Variants in CNBD1 observed in about 807,000 individuals in gnomAD.
CNBD1 encodes cyclic nucleotide-binding domain-containing protein 1.
CNBD1 carries 71 observed loss-of-function variants against 54.4 expected under a neutral mutation model. That is an observed-to-expected ratio of 1.30 (90% confidence interval 1.08 to 1.59). The LOEUF (loss-of-function observed/expected upper bound fraction) is 1.59. Among genes scored for constraint, CNBD1 ranks in the 40% most tolerant of loss-of-function variants. The pLI, the probability that CNBD1 is intolerant of heterozygous loss-of-function variation, is 0.00. For missense variants in CNBD1, 659 were observed against 518.0 expected, an observed-to-expected ratio of 1.27 and a Z score of -2.64; for synonymous variants, 182 against 170.7, an observed-to-expected ratio of 1.07 and a Z score of -0.51.
chr8:87,196,936 C>T (rs1268913878), intron 4 of CNBD1, among the ~76,000 whole-genome samples: 1 of 151,322 alleles, frequency 6.6e-6, no homozygotes, highest in East Asian at 1.9e-4. Flanking sequence ...TTTTTATACA[C>T]CACTGTATGT....
intron 8 of CNBD1, among the ~76,000 whole-genome samples, chr8:87,289,189 G>A (rs1808745397): frequency 6.6e-6 from 1 of 152,108 alleles, no homozygotes; most frequent in Admixed American, 6.6e-5. Flanking sequence ...TAGGGTTTCA[G>A]AGGGATTTAG....
At chr8:87,142,484 A>G (rs1812390129) in intron 4 of CNBD1, among the ~76,000 whole-genome samples, 2 of 152,132 alleles carry the variant, frequency 1.3e-5, no homozygotes, top group Non-Finnish European at 1.5e-5. Flanking sequence ...TAACATTACA[A>G]TATATAACTA....
At position 87,390,991 on chromosome 8, in the gene CNBD1, A is replaced by G. The variant is rs186907243; in HGVS notation, c.213+37205A>G. Among the ~76,000 whole-genome samples the G allele has an allele frequency of 6.6e-4, 101 of 152,198 alleles. 2 individuals are homozygous for G. The highest frequency in any genetic ancestry group is 3.4e-3 in the Middle Eastern group (1 of 294). The stretch of plus-strand genomic sequence containing the variant: ...TCATTCTCAGCAAACTATCACAAGG[A>G]CAAAAAACCAAACACCGCATGTTCT... On this transcript the variant is annotated intron_variant, in intron 2 of 7. Transcript: ENST00000521593.
At chr8:87,358,364 C>A (rs1280778713) in intron 10 of CNBD1, among the ~76,000 whole-genome samples, 4 of 152,048 alleles carry the variant, frequency 2.6e-5, no homozygotes, top group Non-Finnish European at 4.4e-5. Flanking sequence ...ATACAACCTC[C>A]CTCAAGGTAA....
intron 4 of CNBD1, among the ~76,000 whole-genome samples, chr8:87,029,905 C>G (rs1809744220): frequency 6.6e-6 from 1 of 151,922 alleles, no homozygotes; most frequent in South Asian, 2.1e-4. Flanking sequence ...CATATAGGTG[C>G]CTATGACAGG....
chr8:87,310,162 C>A (rs1809234954), intron 8 of CNBD1, among the ~76,000 whole-genome samples: 1 of 151,942 alleles, frequency 6.6e-6, no homozygotes, highest in Non-Finnish European at 1.5e-5. Context: ...TATGACCAGT[C>A]CTGGCAACAT....
At chr8:87,256,136 C>T (rs1365178738) in intron 6 of CNBD1, among the ~76,000 whole-genome samples, 1 of 147,486 alleles carries the variant, frequency 6.8e-6, no homozygotes, top group Non-Finnish European at 1.5e-5. Flanking sequence ...GATTCTCCTG[C>T]CTCAGCCTCC....
At chr8:87,169,961 G>T (rs537901138) in intron 4 of CNBD1, among the ~76,000 whole-genome samples, 11 of 152,142 alleles carry the variant, frequency 7.2e-5, no homozygotes, top group Non-Finnish European at 1.6e-4. Context: ...TTAGTATTTT[G>T]ATAGGGAATG....
chr8:87,096,401 C>G (rs919832496), intron 4 of CNBD1, among the ~76,000 whole-genome samples: 1 of 150,760 alleles, frequency 6.6e-6, no homozygotes, highest in Admixed American at 6.6e-5. Flanking sequence ...AGCACCACCC[C>G]CAACCTTATG....
intron 6 of CNBD1, among the ~76,000 whole-genome samples, chr8:87,270,256 C>T (rs1046144321): frequency 6.6e-6 from 1 of 151,496 alleles, no homozygotes; most frequent in Non-Finnish European, 1.5e-5. Flanking sequence ...GGAATTTAAA[C>T]AAATTTACAA....
At chr8:87,101,227 G>A (rs1335506781) in intron 4 of CNBD1, among the ~76,000 whole-genome samples, 2 of 152,162 alleles carry the variant, frequency 1.3e-5, no homozygotes, top group Non-Finnish European at 2.9e-5. Context: ...TCAAGATGTT[G>A]TAAGTAGTAG....
intron 4 of CNBD1, among the ~76,000 whole-genome samples, chr8:87,119,514 T>C (rs898533420): frequency 6.6e-6 from 1 of 152,100 alleles, no homozygotes; most frequent in South Asian, 2.1e-4. Context: ...TATAAGGTCA[T>C]ATCATCAGCA....
At chr8:87,344,279 G>T (rs1055632774) in intron 8 of CNBD1, among the ~76,000 whole-genome samples, 8 of 151,884 alleles carry the variant, frequency 5.3e-5, no homozygotes, top group Non-Finnish European at 1.0e-4. Context: ...AAAATAATGA[G>T]ATTAAGGGTA....
chr8:86,873,982 T>C (rs1401877373), intron 1 of CNBD1, among the ~76,000 whole-genome samples: 1 of 152,220 alleles, frequency 6.6e-6, no homozygotes, highest in Non-Finnish European at 1.5e-5. Flanking sequence ...GATACATTAC[T>C]GTAATCTAAT....
intron 4 of CNBD1, among the ~76,000 whole-genome samples, chr8:87,092,372 T>C (rs774887986): frequency 1.6e-4 from 24 of 150,830 alleles, no homozygotes; most frequent in Admixed American, 7.3e-4. Context: ...TGTGTGTATG[T>C]ATGTGTGTGT....
chr8:86,968,890 C>A (rs1021021721), intron 4 of CNBD1, among the ~76,000 whole-genome samples: 3 of 152,144 alleles, frequency 2.0e-5, no homozygotes, highest in Admixed American at 6.5e-5. Context: ...TTTTGTCCTG[C>A]ACCTGTGAAG....
chr8:86,930,977 CCCT>C (rs996885357), intron 3 of CNBD1, among the ~76,000 whole-genome samples: 1 of 152,122 alleles, frequency 6.6e-6, no homozygotes, highest in Non-Finnish European at 1.5e-5. Flanking sequence ...AGGGTTGTTT[CCCT>C]CCTCAAGTAG....
At chr8:87,137,070 CTATGTAAATTATATAT>C (rs1563482809) in intron 4 of CNBD1, among the ~76,000 whole-genome samples, 2 of 112,560 alleles carry the variant, frequency 1.8e-5, no homozygotes, top group South Asian at 2.7e-4. Flanking sequence ...TATTTATATT[CTATGTAAATTATATAT>C]ATTTATATTA....
Position 87,204,624 on chromosome 8 carries a change from C to A in CNBD1, c.432-1369C>A, listed in dbSNP as rs143772113. Among the ~76,000 whole-genome samples, 340 of 152,220 alleles carry A rather than the reference C, an allele frequency of 2.2e-3. 3 individuals are homozygous for A. Among genetic ancestry groups the A allele is most frequent in the African/African-American group, 7.8e-3 (323 of 41,530 alleles). On this transcript the variant is annotated intron_variant, in intron 4 of 10. Transcript: ENST00000518476. Reference sequence around the variant, plus strand: ...CAAACAAAACAGAATAACTTTCTGGCTCTTTCCAGCTACTTTCTATGAAGT... The same window carrying A: ...CAAACAAAACAGAATAACTTTCTGGATCTTTCCAGCTACTTTCTATGAAGT...
Sources: allele counts gnomAD v4.1 joint callset (sites outside exome capture counted in the v4.1 genomes callset), GRCh38; gene constraint gnomAD v4.1.1; transcripts MANE v1.5; gene names NCBI Gene and HGNC (gene_info 2026-07-23, HGNC 2026-07-21).